RBKS: variants seen among roughly 807,000 people sequenced by gnomAD.
The protein encoded by RBKS is ribokinase.
Under a neutral mutation model 33.9 loss-of-function variants are expected in RBKS, and 33 were observed. That is an observed-to-expected ratio of 0.97 (90% CI 0.74 to 1.30). The LOEUF (loss-of-function observed/expected upper bound fraction) is 1.30. Ranked by LOEUF, RBKS falls within the 50% of genes most tolerant of loss-of-function variation. RBKS has a pLI of 0.00. For synonymous variants in RBKS, 125 were observed against 143.0 expected (o/e 0.87, Z 0.90); for missense variants, 361 against 392.6 (o/e 0.92, Z 0.68).
chr2:27,847,965 A>C lies in RBKS; in HGVS notation c.286+69T>G. The stretch of plus-strand genomic sequence containing the variant: ...GGTCTAATAATCCTCCTCTAGATTC[A>C]ATTTTTCTCATAACAAAATCACAGA... On this transcript the variant is annotated intron_variant, in intron 3 of 7. Coordinates refer to ENST00000302188, the MANE Select transcript of RBKS (RefSeq NM_022128.3). 4 of 889,408 alleles carry C rather than the reference A, an allele frequency of 4.5e-6. No individual in the cohort carries two copies. In the Admixed American group the frequency reaches 9.3e-5, roughly 21 times the overall value. 55.1% of individuals were successfully genotyped at this position (889,408 alleles called of 1,614,324 possible). A position where few individuals can be genotyped will look rare whatever the true frequency, so the allele number is the denominator to read the frequency against.
At chr2:27,815,732 G>A (rs183820976) in intron 7 of RBKS, among the ~76,000 whole-genome samples, 14 of 152,304 alleles carry the variant, frequency 9.2e-5, no homozygotes, top group Admixed American at 5.2e-4. Context: ...GACGTAGGAA[G>A]CTAAGAGGAA....
Position 27,867,592 on chromosome 2 carries a change from C to G in RBKS, c.90-9021G>C, listed in dbSNP as rs1034648589. Reference sequence around the variant, plus strand: ...AAGGTGTCAGGAGAGGCTTATCACTCAAAATATTAAACATACACATAAAAA... The same window carrying G: ...AAGGTGTCAGGAGAGGCTTATCACTGAAAATATTAAACATACACATAAAAA... On this transcript the variant is annotated intron_variant, in intron 1 of 7. Coordinates refer to ENST00000302188, the MANE Select transcript of RBKS (RefSeq NM_022128.3). 2.0e-5 allele frequency among the ~76,000 whole-genome samples: 3 copies of G among 152,136 alleles called. No homozygotes were observed. In the South Asian group the frequency reaches 6.2e-4, roughly 32 times the overall value.
Position 27,789,925 on chromosome 2 carries a change from G to A in RBKS, c.796-8137C>T, listed in dbSNP as rs865934046. Among the ~76,000 whole-genome samples, 1,222 of 130,498 alleles carry A rather than the reference G, an allele frequency of 9.4e-3. 26 individuals are homozygous for A. Among genetic ancestry groups the A allele is most frequent in the African/African-American group, 0.031 (1,059 of 34,582 alleles). 85.6% of individuals were successfully genotyped at this position (130,498 alleles called of 152,430 possible). ...AGTGTGTGTGTGTGTGTTTGTGTGT[G>A]TATATATATATATATGTATATGTGT... On this transcript the variant is annotated intron_variant, in intron 7 of 7. Transcript: ENST00000302188.
At chr2:27,790,710 A>G (rs1466993187) in intron 7 of RBKS, among the ~76,000 whole-genome samples, 1 of 152,228 alleles carries the variant, frequency 6.6e-6, no homozygotes, top group African/African-American at 2.4e-5. Flanking sequence ...GCAAATTCAA[A>G]ACACAGTGAG....
At chr2:27,884,776 C>A (rs1664494667) in intron 1 of RBKS, among the ~76,000 whole-genome samples, 1 of 152,140 alleles carries the variant, frequency 6.6e-6, no homozygotes, top group African/African-American at 2.4e-5. Context: ...TTTTAGTTGA[C>A]ATCAGAGTCT....
At chr2:27,826,269 C>T (rs778344471) in intron 7 of RBKS, among the ~76,000 whole-genome samples, 24 of 152,112 alleles carry the variant, frequency 1.6e-4, no homozygotes, top group Admixed American at 2.6e-4. Context: ...ATTTTAAAGT[C>T]GCTTCTAAGC....
At chr2:27,884,364 C>T (rs936952283) in intron 1 of RBKS, among the ~76,000 whole-genome samples, 1 of 151,978 alleles carries the variant, frequency 6.6e-6, no homozygotes, top group African/African-American at 2.4e-5. Context: ...CCTCCCACCT[C>T]AGCCCCCCAG....
chr2:27,782,895 T>A (rs1677317511), intron 7 of RBKS, among the ~76,000 whole-genome samples: 1 of 152,202 alleles, frequency 6.6e-6, no homozygotes, highest in African/African-American at 2.4e-5. Flanking sequence ...CTCTATCTCC[T>A]TAAGGGTGGA....
chr2:27,828,671 C>A (rs1678364093), intron 6 of RBKS, among the ~76,000 whole-genome samples: 1 of 152,230 alleles, frequency 6.6e-6, no homozygotes, highest in Middle Eastern at 3.4e-3. Flanking sequence ...TATTTTTCTC[C>A]CAATTTCTCT....
At chr2:27,823,767 T>A (rs574224790) in intron 7 of RBKS, among the ~76,000 whole-genome samples, 1 of 152,294 alleles carries the variant, frequency 6.6e-6, no homozygotes, top group East Asian at 1.9e-4. Flanking sequence ...TCACTGCTGC[T>A]CCACCTGGGG....
chr2:27,792,765 G>A (rs1434502818), intron 7 of RBKS, among the ~76,000 whole-genome samples: 1 of 152,118 alleles, frequency 6.6e-6, no homozygotes, highest in African/African-American at 2.4e-5. Context: ...TAGTTTGGAA[G>A]CCATTGATCC....
chr2:27,815,123 C>T (rs1419029966), intron 7 of RBKS, among the ~76,000 whole-genome samples: 1 of 152,076 alleles, frequency 6.6e-6, no homozygotes, highest in East Asian at 1.9e-4. Context: ...TTTCCTTGTC[C>T]AACTCCATCA....
intron 5 of RBKS, among the ~76,000 whole-genome samples, chr2:27,842,122 C>T (rs145379731): frequency 3.3e-5 from 5 of 152,222 alleles, no homozygotes; most frequent in East Asian, 1.9e-4. Context: ...GCTAGGACCA[C>T]GAAGCTGACA....
intron 5 of RBKS, among the ~76,000 whole-genome samples, chr2:27,841,259 C>T (rs1043050466): frequency 6.6e-6 from 1 of 152,096 alleles, no homozygotes; most frequent in Admixed American, 6.6e-5. Flanking sequence ...GTATCTTTCT[C>T]TCCTTCACAA....
Position 27,837,905 on chromosome 2 carries a change from A to G in RBKS, c.515-5128T>C, listed in dbSNP as rs544564833. On this transcript the variant is annotated intron_variant, in intron 5 of 7. Transcript: ENST00000302188. This position sits in a 1 kb window ranked among gnomAD's most constrained non-coding sequence, Gnocchi z 4.0. The stretch of plus-strand genomic sequence containing the variant: ...TGGGCGCAATACTCCCATGTAACAA[A>G]TCTGCATATGAAGGCCTGGTGCGGT... Among the ~76,000 whole-genome samples the G allele has an allele frequency of 6.6e-6, 1 of 152,224 alleles. No individual in the cohort carries two copies. The highest frequency in any genetic ancestry group is 2.1e-4 in the South Asian group (1 of 4,818).
intron 7 of RBKS, among the ~76,000 whole-genome samples, chr2:27,814,519 A>G (rs946739374): frequency 3.9e-5 from 6 of 152,216 alleles, no homozygotes; most frequent in African/African-American, 1.4e-4. Flanking sequence ...GTATGTATTT[A>G]ATGCAAATTA....
chr2:27,841,173 C>CCCAG (rs1663493155), intron 5 of RBKS, among the ~76,000 whole-genome samples: 1 of 151,874 alleles, frequency 6.6e-6, no homozygotes, highest in Non-Finnish European at 1.5e-5. Flanking sequence ...CAATGACAGC[C>CCCAG]CCAGGGTAGG....
At chr2:27,793,983 T>C (rs1055571341) in intron 7 of RBKS, among the ~76,000 whole-genome samples, 1 of 152,170 alleles carries the variant, frequency 6.6e-6, no homozygotes, top group African/African-American at 2.4e-5. Context: ...GTTTTACTTT[T>C]TAAAAATAAA....
chr2:27,811,288 A>C (rs566813278), intron 7 of RBKS, among the ~76,000 whole-genome samples: 3 of 152,120 alleles, frequency 2.0e-5, no homozygotes, highest in Non-Finnish European at 4.4e-5. Context: ...CTAGATTCCA[A>C]GCTCTTTGTG....
Sources: allele counts gnomAD v4.1 joint callset (sites outside exome capture counted in the v4.1 genomes callset), GRCh38; gene constraint gnomAD v4.1.1; non-coding constraint Gnocchi (gnomAD v3.1); transcripts MANE v1.5; gene names NCBI Gene and HGNC (gene_info 2026-07-23, HGNC 2026-07-21).